KCNQ1: variants seen among roughly 807,000 people sequenced by gnomAD.
KCNQ1 encodes the protein potassium voltage-gated channel subfamily Q member 1, also known as potassium voltage-gated channel subfamily KQT member 1.
Under a neutral mutation model 72.4 loss-of-function variants are expected in KCNQ1, and 49 were observed. The ratio of observed to expected loss-of-function variants is 0.68; its 90% CI spans 0.54 to 0.86. The LOEUF is 0.86. KCNQ1 is among the 40% of genes least tolerant of loss of function. The pLI, the probability that KCNQ1 is intolerant of heterozygous loss-of-function variation, is 0.00. For synonymous variants in KCNQ1, 450 were observed against 412.6 expected (o/e 1.09, Z -1.10); for missense variants, 790 against 945.1 (o/e 0.84, Z 2.15).
At position 2,612,050 on chromosome 11, in the gene KCNQ1, A is replaced by T; in HGVS notation, c.1393+23196A>T. On this transcript the variant is annotated intron_variant, in intron 10 of 15. Coordinates refer to ENST00000155840, the MANE Select transcript of KCNQ1 (RefSeq NM_000218.3). This position sits in a 1 kb window ranked among gnomAD's most constrained non-coding sequence, Gnocchi z 5.5. ...ATGTTTTCTACTCTTAATTACATAT[A>T]TGTTACAACTTAATTACACATACAT... is the stretch of plus-strand genomic sequence containing the variant. 2.5e-6 allele frequency: 1 copy of T among 398,662 alleles called. No homozygotes were observed. The highest frequency in any genetic ancestry group is 4.4e-6 in the Non-Finnish European group (1 of 226,072). The allele number at this position is 398,662 out of a possible 1,614,324, so 24.7% of individuals were successfully genotyped here.
chr11:2,697,409 G>C (rs1850695919), intron 11 of KCNQ1: 3 of 398,446 alleles, frequency 7.5e-6, no homozygotes, highest in Non-Finnish European at 1.3e-5. Flanking sequence ...GGTATGGCCA[G>C]GATGACATCC....
At chr11:2,694,361 G>A (rs966479313) in intron 11 of KCNQ1, 7 of 398,578 alleles carry the variant, frequency 1.8e-5, no homozygotes, top group African/African-American at 1.0e-4. Context: ...AATGTCTGGA[G>A]ATATTTTTGG....
Position 2,612,674 on chromosome 11 carries a change from G to A in KCNQ1, c.1393+23820G>A. 2.5e-6 allele frequency: 1 copy of A among 398,284 alleles called. No individual in the cohort carries two copies. Among genetic ancestry groups the A allele is most frequent in the Non-Finnish European group, 4.4e-6 (1 of 226,008 alleles). 24.7% of individuals were successfully genotyped at this position (398,284 alleles called of 1,614,324 possible). A position where few individuals can be genotyped will look rare whatever the true frequency, so the allele number is the denominator to read the frequency against. On this transcript the variant is annotated intron_variant, in intron 10 of 15. Transcript: ENST00000155840. The surrounding 1 kb of genome is among the most constrained non-coding windows in gnomAD (Gnocchi z 5.5). ...GCATTCTTTAATGTGGTTTCTTTTG[G>A]TTCTTTGAACATAGTTATAATACTT...
At chr11:2,744,192 G>C (rs1334411709) in intron 11 of KCNQ1, among the ~76,000 whole-genome samples, 1 of 152,260 alleles carries the variant, frequency 6.6e-6, no homozygotes, top group Non-Finnish European at 1.5e-5. Flanking sequence ...GGGGACTCAG[G>C]CTTGCACCCT....
chr11:2,716,133 G>T (rs1490811280), intron 11 of KCNQ1, among the ~76,000 whole-genome samples: 1 of 152,184 alleles, frequency 6.6e-6, no homozygotes, highest in Non-Finnish European at 1.5e-5. Flanking sequence ...TTGGTTGCCG[G>T]ATCCTCATTA....
At chr11:2,649,484 C>A (rs965938247) in intron 10 of KCNQ1, 1 of 398,522 alleles carries the variant, frequency 2.5e-6, no homozygotes, top group Admixed American at 4.4e-5. Context: ...GTAATGAATT[C>A]CCTCAGTTTT....
At position 2,599,434 on chromosome 11, in the gene KCNQ1, C is replaced by T. The variant is rs1275531631; in HGVS notation, c.1393+10580C>T. The stretch of plus-strand genomic sequence containing the variant: ...TGCTTAATTTCCTTTGGTGTACATA[C>T]TCTGTGATGTTCTCTATCGCTTAAA... On this transcript the variant is annotated intron_variant, in intron 10 of 15. Coordinates refer to ENST00000155840, the MANE Select transcript of KCNQ1 (RefSeq NM_000218.3). This position sits in a 1 kb window ranked among gnomAD's most constrained non-coding sequence, Gnocchi z 4.7. Among the ~76,000 whole-genome samples, 3 of 152,098 alleles carry T rather than the reference C, an allele frequency of 2.0e-5. No homozygotes were observed. Among genetic ancestry groups the T allele is most frequent in the South Asian group, 4.1e-4 (2 of 4,830 alleles).
In KCNQ1 at chr11:2,824,196, C is replaced by T. The variant is rs918024686; in HGVS notation, c.1795-23571C>T. Among the ~76,000 whole-genome samples, 6 of 152,158 alleles carry T rather than the reference C, an allele frequency of 3.9e-5. No homozygotes were observed. Among genetic ancestry groups the T allele is most frequent in the African/African-American group, 1.4e-4 (6 of 41,426 alleles). On this transcript the variant is annotated intron_variant, in intron 15 of 15. Transcript: ENST00000155840. The surrounding 1 kb of genome is among the most constrained non-coding windows in gnomAD (Gnocchi z 5.9). The stretch of plus-strand genomic sequence containing the variant: ...CTAACTCTTCCAGCAAGAGCCACCC[C>T]CTGGCTGAAGTGTGAGGCTGTCCAT...
intron 2 of KCNQ1, among the ~76,000 whole-genome samples, chr11:2,539,163 C>T (rs570199416): frequency 2.6e-5 from 4 of 152,320 alleles, no homozygotes; most frequent in South Asian, 4.1e-4. Context: ...TTCCCCATTG[C>T]TCCTCCACCA....
At chr11:2,773,477 A>G (rs1206501334) in intron 12 of KCNQ1, among the ~76,000 whole-genome samples, 15 of 151,398 alleles carry the variant, frequency 9.9e-5, no homozygotes, top group Admixed American at 6.6e-5. Context: ...TACAGAAAGG[A>G]GGATCAGGGC....
intron 2 of KCNQ1, among the ~76,000 whole-genome samples, 195 bp downstream of exon 2, chr11:2,528,213 C>T (rs1029359473): frequency 6.6e-6 from 1 of 152,242 alleles, no homozygotes; most frequent in East Asian, 1.9e-4. Context: ...GTGCCACAGG[C>T]GAGGGGGACC....
rs1335411338 is a variant in KCNQ1 at position 2,662,021 on chromosome 11, T to C, written c.1454T>C (p.Phe485Ser). Residue 485 changes from phenylalanine to serine, a missense_variant, in exon 11 of 16, where the codon TTC becomes TCC. By Grantham distance (155) the Phe-to-Ser change is radical (BLOSUM62 -2). Coordinates refer to ENST00000155840, the MANE Select transcript of KCNQ1 (RefSeq NM_000218.3). The part of the protein sequence containing the change: ...SMPHFMRTNS[F>S]AEDLDLEGET... ...CCCCATTTCATGAGAACCAACAGCTTCGCCGAGGACCTGGACCTGGAAGGG... is the reference window on the plus strand; with the variant it reads ...CCCCATTTCATGAGAACCAACAGCTCCGCCGAGGACCTGGACCTGGAAGGG... 6.2e-7 allele frequency: 1 copy of C among 1,614,212 alleles called. No homozygotes were observed. Among genetic ancestry groups the C allele is most frequent in the South Asian group, 1.1e-5 (1 of 91,088 alleles).
Position 2,446,499 on chromosome 11 carries a change from TG to T in KCNQ1, c.386+1017del, listed in dbSNP as rs1340719518. 1.3e-5 allele frequency among the ~76,000 whole-genome samples: 2 copies of T among 152,166 alleles called. No individual in the cohort carries two copies. Among genetic ancestry groups the T allele is most frequent in the Non-Finnish European group, 2.9e-5 (2 of 68,030 alleles). ...GCCTCGGGCAGGCTCAGTAGAGAACTGGCTGGAGGGCATCCAGAGGCCTGTC... is the reference window on the plus strand; with the variant it reads ...GCCTCGGGCAGGCTCAGTAGAGAACTGCTGGAGGGCATCCAGAGGCCTGTC... On this transcript the variant is annotated intron_variant, in intron 1 of 15. Coordinates refer to ENST00000155840, the MANE Select transcript of KCNQ1 (RefSeq NM_000218.3). The surrounding 1 kb of genome is among the most constrained non-coding windows in gnomAD (Gnocchi z 8.8).
Position 2,526,864 on chromosome 11 carries a change from G to A in KCNQ1, c.387-1064G>A, listed in dbSNP as rs774386279. 3.3e-5 allele frequency among the ~76,000 whole-genome samples: 5 copies of A among 152,116 alleles called. No homozygotes were observed. Among genetic ancestry groups the A allele is most frequent in the Non-Finnish European group, 7.4e-5 (5 of 67,998 alleles). On this transcript the variant is annotated intron_variant, in intron 1 of 15. Coordinates refer to ENST00000155840, the MANE Select transcript of KCNQ1 (RefSeq NM_000218.3). The surrounding 1 kb of genome is among the most constrained non-coding windows in gnomAD (Gnocchi z 6.1). ...CCTGGGGCACCCTATGCCAGGCAGAGGATCTATGCCGGGGCCCCCAGGGTC... is the reference window on the plus strand; with the variant it reads ...CCTGGGGCACCCTATGCCAGGCAGAAGATCTATGCCGGGGCCCCCAGGGTC...
rs1283965856 is a variant in KCNQ1 at position 2,563,337 on chromosome 11, G to A, written c.478-7291G>A. Reference sequence around the variant, plus strand: ...CCAAAGTGCGACCTTTCCCCGCTCTGTTCACTCGGAGACTAAAAATCCCAG... The same window carrying A: ...CCAAAGTGCGACCTTTCCCCGCTCTATTCACTCGGAGACTAAAAATCCCAG... On this transcript the variant is annotated intron_variant, in intron 2 of 15. Coordinates refer to ENST00000155840, the MANE Select transcript of KCNQ1 (RefSeq NM_000218.3). The surrounding 1 kb of genome is among the most constrained non-coding windows in gnomAD (Gnocchi z 7.4). Among the ~76,000 whole-genome samples, 2 of 152,214 alleles carry A rather than the reference G, an allele frequency of 1.3e-5. No homozygotes were observed. The highest frequency in any genetic ancestry group is 2.9e-5 in the Non-Finnish European group (2 of 68,034).
chr11:2,642,577 GT>G lies in KCNQ1; in HGVS notation c.1394-19381del. On this transcript the variant is annotated intron_variant, in intron 10 of 15. Coordinates refer to ENST00000155840, the MANE Select transcript of KCNQ1 (RefSeq NM_000218.3). The surrounding 1 kb of genome is among the most constrained non-coding windows in gnomAD (Gnocchi z 4.3). ...GTCTTCTCTCTTTTCTTCTTGGATA[GT>G]TTAGCCACTGGTTATTTTGTTTCTT... 1 of 397,748 alleles carries G rather than the reference GT, an allele frequency of 2.5e-6. No homozygotes were observed. Among genetic ancestry groups the G allele is most frequent in the Non-Finnish European group, 4.4e-6 (1 of 225,650 alleles). 24.6% of individuals were successfully genotyped at this position (397,748 alleles called of 1,614,324 possible).
rs764727029 is a variant in KCNQ1 at position 2,622,686 on chromosome 11, G to A, written c.1393+33832G>A. Reference sequence around the variant, plus strand: ...AGTGTACCATTATGATTCTCTATTCGATTGTCTGTATGTGTGTATGTGTAT... The same window carrying A: ...AGTGTACCATTATGATTCTCTATTCAATTGTCTGTATGTGTGTATGTGTAT... On this transcript the variant is annotated intron_variant, in intron 10 of 15. Coordinates refer to ENST00000155840, the MANE Select transcript of KCNQ1 (RefSeq NM_000218.3). The A allele has an allele frequency of 9.8e-4, 391 of 398,112 alleles. 1 individual carries two copies. Among genetic ancestry groups the A allele is most frequent in the Middle Eastern group, 1.9e-3 (3 of 1,588 alleles). The allele number at this position is 398,112 out of a possible 1,614,324, so 24.7% of individuals were successfully genotyped here. A position where few individuals can be genotyped will look rare whatever the true frequency, so the allele number is the denominator to read the frequency against.
chr11:2,584,471 A>G (rs1037199548), intron 7 of KCNQ1, among the ~76,000 whole-genome samples: 2 of 143,772 alleles, frequency 1.4e-5, no homozygotes, highest in South Asian at 4.4e-4. Context: ...ATGTTAGTGT[A>G]TGTTAGTGTT....
chr11:2,651,401 C>A lies in KCNQ1; in HGVS notation c.1394-10560C>A. 1 of 398,710 alleles carries A rather than the reference C, an allele frequency of 2.5e-6. No individual in the cohort carries two copies. Among genetic ancestry groups the A allele is most frequent in the South Asian group, 1.3e-4 (1 of 7,842 alleles). 24.7% of individuals were successfully genotyped at this position (398,710 alleles called of 1,614,324 possible). A position where few individuals can be genotyped will look rare whatever the true frequency, so the allele number is the denominator to read the frequency against. ...GCTGCCCCGGTGGTGGCTCACTTTC[C>A]ATTCCTTTTGGCCTGCCCTGTGTGC... On this transcript the variant is annotated intron_variant, in intron 10 of 15. Coordinates refer to ENST00000155840, the MANE Select transcript of KCNQ1 (RefSeq NM_000218.3). This position sits in a 1 kb window ranked among gnomAD's most constrained non-coding sequence, Gnocchi z 6.1.
Sources: gnomAD v4.1 joint callset for allele counts (sites outside exome capture counted in the v4.1 genomes callset) on GRCh38, gnomAD v4.1.1 for gene constraint, Gnocchi (gnomAD v3.1) non-coding constraint, MANE v1.5 for transcripts, NCBI Gene and HGNC (gene_info 2026-07-23, HGNC 2026-07-21) for gene names.